The following PTPRQ variants were observed in gnomAD, a reference collection of about 807,000 sequenced individuals.
PTPRQ encodes the protein protein tyrosine phosphatase receptor type Q, also known as phosphatidylinositol phosphatase PTPRQ.
Under a neutral mutation model 246.0 loss-of-function variants are expected in PTPRQ, and 199 were observed. The observed-to-expected ratio is 0.81, with a 90% CI of 0.72 to 0.91. The LOEUF (loss-of-function observed/expected upper bound fraction) is 0.91. Among genes scored for constraint, PTPRQ ranks in the 40% least tolerant of loss-of-function variants. The pLI is 0.00. For synonymous variants in PTPRQ, 869 were observed against 853.2 expected (o/e 1.02, Z -0.32); for missense variants, 2,624 against 2,528.4 (o/e 1.04, Z -0.81).
At chr12:80,485,225 A>G (rs1056353713) in intron 9 of PTPRQ, among the ~76,000 whole-genome samples, 2 of 152,160 alleles carry the variant, frequency 1.3e-5, no homozygotes, top group African/African-American at 4.8e-5. Flanking sequence ...GTTAGGAAGT[A>G]CAGGCAACAC....
intron 33 of PTPRQ, among the ~76,000 whole-genome samples, chr12:80,623,846 G>C (rs1457751500): frequency 6.6e-6 from 1 of 152,134 alleles, no homozygotes; most frequent in African/African-American, 2.4e-5. Context: ...AGCTATAAAA[G>C]GGGGGGAGCG....
At chr12:80,619,357 G>T in intron 30 of PTPRQ, 27 bp from the exon 31 acceptor site, 1 of 1,542,134 alleles carries the variant, frequency 6.5e-7, no homozygotes, top group South Asian at 1.2e-5. Flanking sequence ...AACATCAATT[G>T]CAGTGATATT....
At chr12:80,574,932 G>A (rs1309460588) in intron 25 of PTPRQ, among the ~76,000 whole-genome samples, 1 of 152,162 alleles carries the variant, frequency 6.6e-6, no homozygotes, top group Non-Finnish European at 1.5e-5. Context: ...TAACTCCTCT[G>A]TTTCCAACTA....
chr12:80,617,620 T>G (rs1349202119), intron 30 of PTPRQ, among the ~76,000 whole-genome samples: 1 of 151,394 alleles, frequency 6.6e-6, no homozygotes, highest in Non-Finnish European at 1.5e-5. Context: ...CCCATCCCCA[T>G]GCCAGGTTGG....
At chr12:80,570,611 G>T (rs139112204) in intron 25 of PTPRQ, among the ~76,000 whole-genome samples, 4 of 152,172 alleles carry the variant, frequency 2.6e-5, no homozygotes, top group East Asian at 1.9e-4. Flanking sequence ...GTCAATTTTG[G>T]CTTCTGTTGC....
chr12:80,502,195 G>C (rs987162370), intron 14 of PTPRQ, among the ~76,000 whole-genome samples: 1 of 151,796 alleles, frequency 6.6e-6, no homozygotes, highest in Admixed American at 6.6e-5. Flanking sequence ...GAGGAAAGAG[G>C]GAAGGCAGTT....
intron 8 of PTPRQ, among the ~76,000 whole-genome samples, chr12:80,475,042 A>C (rs1246522174): frequency 6.6e-6 from 1 of 152,186 alleles, no homozygotes; most frequent in Non-Finnish European, 1.5e-5. Flanking sequence ...CTTCTAAAGA[A>C]ACTTTAATTT....
In PTPRQ at chr12:80,542,818, T is replaced by C. The variant is rs2120843121; in HGVS notation, c.3810T>C (p.Gly1270=). 6.5e-7 allele frequency: 1 copy of C among 1,548,650 alleles called. No homozygotes were observed. The highest frequency in any genetic ancestry group is 8.7e-7 in the Non-Finnish European group (1 of 1,145,590). ...AATGGAGCCCAAGTCCTCTTCCAGG[T>C]GGTATTGTTAAAGTATATAGTTTTA... The part of the protein sequence containing the change: ...WLKWSPSPLP[G]GIVKVYSFKI... The change falls in exon 23 of 45, where the codon GGT becomes GGC. Residue 1270 remains glycine, a synonymous_variant. Transcript: ENST00000644991.
chr12:80,645,494 G>T (rs1016289412), intron 35 of PTPRQ, among the ~76,000 whole-genome samples: 3 of 151,238 alleles, frequency 2.0e-5, no homozygotes, highest in Non-Finnish European at 4.4e-5. Context: ...TTTTATATTT[G>T]ATATGTTTTA....
chr12:80,580,256 G>A (rs1897393713), intron 25 of PTPRQ, among the ~76,000 whole-genome samples: 1 of 152,130 alleles, frequency 6.6e-6, no homozygotes, highest in Non-Finnish European at 1.5e-5. Flanking sequence ...GTATTTTAGT[G>A]ATAAGAATAA....
intron 26 of PTPRQ, among the ~76,000 whole-genome samples, chr12:80,594,271 A>G (rs1423604045): frequency 6.6e-6 from 1 of 152,200 alleles, no homozygotes; most frequent in Non-Finnish European, 1.5e-5. Flanking sequence ...AGAAGCAATT[A>G]TATAATGGTA....
chr12:80,608,334 G>C (rs1257211569), intron 27 of PTPRQ, among the ~76,000 whole-genome samples: 2 of 150,592 alleles, frequency 1.3e-5, no homozygotes, highest in African/African-American at 2.4e-5. Flanking sequence ...TCAGTCCTGG[G>C]TAAGTGGACA....
intron 23 of PTPRQ, among the ~76,000 whole-genome samples, chr12:80,546,337 C>T (rs971086331): frequency 1.3e-5 from 2 of 151,990 alleles, no homozygotes; most frequent in East Asian, 3.9e-4. Context: ...TTATGAGGTT[C>T]TTCAGGGAAA....
At chr12:80,517,847 T>C (rs1895351895) in intron 17 of PTPRQ, among the ~76,000 whole-genome samples, 1 of 152,182 alleles carries the variant, frequency 6.6e-6, no homozygotes, top group East Asian at 1.9e-4. Flanking sequence ...CTCCATTGCG[T>C]ATAGATGTAC....
intron 6 of PTPRQ, 44 bp from the exon 7 acceptor site, chr12:80,468,666 A>G: frequency 1.4e-6 from 2 of 1,463,362 alleles, no homozygotes; most frequent in Non-Finnish European, 1.8e-6. Context: ...GTGCGCTTTC[A>G]TTTTAAATAT....
intron 35 of PTPRQ, among the ~76,000 whole-genome samples, chr12:80,641,238 C>T (rs78145153): frequency 0.016 from 2,479 of 152,256 alleles, 53 homozygotes; most frequent in African/African-American, 0.053. Context: ...CTGAGAGTAG[C>T]ATAGCAGAAT....
intron 6 of PTPRQ, among the ~76,000 whole-genome samples, chr12:80,464,199 C>G (rs1357099183): frequency 1.4e-5 from 2 of 147,160 alleles, no homozygotes; most frequent in Non-Finnish European, 3.0e-5. Flanking sequence ...GGAAAACAAA[C>G]AAAGGCAGGG....
chr12:80,666,999 C>A (rs1245230253), intron 39 of PTPRQ, among the ~76,000 whole-genome samples: 1 of 151,956 alleles, frequency 6.6e-6, no homozygotes, highest in Non-Finnish European at 1.5e-5. Flanking sequence ...ACTGTTAAAC[C>A]ACACACTATG....
chr12:80,485,880 CT>C (rs371659111), intron 9 of PTPRQ, among the ~76,000 whole-genome samples: 4 of 150,972 alleles, frequency 2.6e-5, no homozygotes, highest in South Asian at 4.2e-4. Context: ...TCTAGAAAGG[CT>C]TTTTTTTTGT....
Sources: allele counts gnomAD v4.1 joint callset (sites outside exome capture counted in the v4.1 genomes callset), GRCh38; gene constraint gnomAD v4.1.1; transcripts MANE v1.5; gene names NCBI Gene and HGNC (gene_info 2026-07-23, HGNC 2026-07-21).